The following SMC3 variants were observed in gnomAD, a reference collection of about 807,000 sequenced individuals.
SMC3 encodes structural maintenance of chromosomes protein 3.
A neutral mutation model predicts 171.8 loss-of-function variants in SMC3; 20 were observed. That is an observed-to-expected ratio of 0.12 (90% CI 0.08 to 0.17). SMC3 has a LOEUF of 0.17. SMC3 is among the 10% of genes least tolerant of loss of function. The probability of loss-of-function intolerance (pLI) is 1.00; values close to 1 mark genes in which losing one functional copy is unlikely to be tolerated. For missense variants in SMC3, 543 were observed against 1,420.4 expected (o/e 0.38, Z 9.93); for synonymous variants, 464 against 451.1 (o/e 1.03, Z -0.36).
At position 110,573,764 on chromosome 10, in the gene SMC3, A is replaced by G. The variant is rs1467733311; in HGVS notation, c.130+19A>G. 6.7e-7 allele frequency: 1 copy of G among 1,499,814 alleles called. No individual in the cohort carries two copies. The highest frequency in any genetic ancestry group is 1.1e-5 in the South Asian group (1 of 88,544). The allele number at this position is 1,499,814 out of a possible 1,614,324, so 92.9% of individuals were successfully genotyped here. On this transcript the variant is annotated intron_variant, in intron 3 of 28. Coordinates refer to ENST00000361804, the MANE Select transcript of SMC3 (RefSeq NM_005445.4). ...TTTTATGGTAGGTGTTGCTTTTTGA[A>G]TTGTAAATATATTAAGACCTGGGTA...
chr10:110,575,782 C>T (rs1358116261), intron 4 of SMC3, among the ~76,000 whole-genome samples: 2 of 152,124 alleles, frequency 1.3e-5, no homozygotes, highest in East Asian at 3.8e-4. Context: ...TAGGATTTGC[C>T]TATAGGTGGG....
At chr10:110,587,965 A>G (rs1362785476) in intron 13 of SMC3, among the ~76,000 whole-genome samples, 1 of 152,178 alleles carries the variant, frequency 6.6e-6, no homozygotes, top group Non-Finnish European at 1.5e-5. Flanking sequence ...AAAGGGTTTA[A>G]TTATCCAAGA....
At position 110,605,208 on chromosome 10, in the gene SMC3, C is replaced by T. The variant is rs557259851; in HGVS notation, c.*906C>T. On this transcript the variant is annotated 3_prime_UTR_variant, in exon 29 of 29. Coordinates refer to ENST00000361804, the MANE Select transcript of SMC3 (RefSeq NM_005445.4). ...ACCCAACATTGTACTTGCCAGGTTT[C>T]TTTGTTGTGAAGTTACATTTTTTTC... Among the ~76,000 whole-genome samples the T allele has an allele frequency of 2.0e-4, 30 of 152,226 alleles. No homozygotes were observed. The highest frequency in any genetic ancestry group is 3.1e-4 in the Non-Finnish European group (21 of 67,992).
intron 21 of SMC3, 79 bp downstream of exon 21, chr10:110,599,891 A>G: frequency 3.2e-6 from 4 of 1,254,084 alleles, no homozygotes; most frequent in South Asian, 2.4e-5. Context: ...TAACTAGGGC[A>G]ATATGAAAGA....
rs1202650673 is a variant in SMC3, at chr10:110,598,155, TG to T, written c.2134del (p.Asp712IlefsTer3). On this transcript the variant is annotated frameshift_variant, in exon 20 of 29. Transcript: ENST00000361804. LOFTEE classifies it high-confidence loss of function. ...RNIERINNEIDQLMNQMQQIE... is the reference protein window; with the variant it reads ...RNIERINNEIXQLMNQMQQIE... ...CTTGTATATGGATTAATAATGAAAT[TG>T]ATCAGTTGATGAACCAAATGCAACA... 6.2e-7 allele frequency: 1 copy of T among 1,613,800 alleles called. No homozygotes were observed. The highest frequency in any genetic ancestry group is 8.5e-7 in the Non-Finnish European group (1 of 1,179,868).
intron 18 of SMC3, among the ~76,000 whole-genome samples, chr10:110,595,127 C>G (rs756907924): frequency 6.6e-6 from 1 of 151,900 alleles, no homozygotes; most frequent in African/African-American, 2.4e-5. Context: ...GGATTACAGA[C>G]ATGCGCCACT....
At chr10:110,572,362 C>T (rs1267530742) in intron 2 of SMC3, among the ~76,000 whole-genome samples, 1 of 152,190 alleles carries the variant, frequency 6.6e-6, no homozygotes, top group Non-Finnish European at 1.5e-5. Context: ...TTCTTGATAG[C>T]ATTTTTCCCC....
intron 13 of SMC3, among the ~76,000 whole-genome samples, chr10:110,585,955 G>A (rs960516731): frequency 6.6e-6 from 1 of 151,820 alleles, no homozygotes; most frequent in Non-Finnish European, 1.5e-5. Flanking sequence ...ATGCCACCAC[G>A]CCTGGCTAAT....
chr10:110,577,204 G>C (rs576290537), intron 4 of SMC3, among the ~76,000 whole-genome samples: 3 of 152,184 alleles, frequency 2.0e-5, no homozygotes, highest in Admixed American at 2.0e-4. Flanking sequence ...TTTGGCAAGA[G>C]GGATATATAC....
At position 110,598,245 on chromosome 10, in the gene SMC3, G is replaced by A; in HGVS notation, c.2223G>A (p.Met741Ile). ...SRDSILSEMK[M>I]LKEKRQQSEK... ...ATAGCATATTATCAGAAATGAAGAT[G>A]CTAAAAGAGAAGAGGCAGCAGTCAG... Residue 741 changes from methionine to isoleucine, a missense_variant, in exon 20 of 29, where the codon ATG becomes ATA. By Grantham distance (10) the Met-to-Ile change is conservative (BLOSUM62 1). Transcript: ENST00000361804. 1 of 1,614,006 alleles carries A rather than the reference G, an allele frequency of 6.2e-7. No homozygotes were observed. Among genetic ancestry groups the A allele is most frequent in the Non-Finnish European group, 8.5e-7 (1 of 1,179,962 alleles).
chr10:110,576,353 TAA>T (rs754869561), intron 4 of SMC3, among the ~76,000 whole-genome samples: 15 of 152,200 alleles, frequency 9.9e-5, no homozygotes, highest in Non-Finnish European at 2.2e-4. Context: ...GATATTTTAT[TAA>T]GTGGGTCCTT....
At chr10:110,604,094 CAAAAAA>C (rs57491050) in intron 28 of SMC3, 131 bp from the exon 29 acceptor site, 25 of 230,226 alleles carry the variant, frequency 1.1e-4, no homozygotes, top group African/African-American at 1.6e-4. Context: ...GACTCCATCT[CAAAAAA>C]AAAAAAAAAA....
At position 110,602,194 on chromosome 10, in the gene SMC3, T is replaced by C. The variant is rs184670690; in HGVS notation, c.3105+16T>C. 1 of 1,598,352 alleles carries C rather than the reference T, an allele frequency of 6.3e-7. No homozygotes were observed. Among genetic ancestry groups the C allele is most frequent in the Admixed American group, 1.7e-5 (1 of 59,996 alleles). ...TTTCAAACAGGTATGTTTCGCTTTG[T>C]AGTTAAAACATACACACAGAGGACA... On this transcript the variant is annotated intron_variant, in intron 25 of 28. Coordinates refer to ENST00000361804, the MANE Select transcript of SMC3 (RefSeq NM_005445.4).
At chr10:110,581,713 C>G (rs546267579) in intron 8 of SMC3, among the ~76,000 whole-genome samples, 7 of 152,256 alleles carry the variant, frequency 4.6e-5, no homozygotes, top group Admixed American at 4.6e-4. Flanking sequence ...AAGGTCATTG[C>G]CAAGGTCTGA....
At chr10:110,597,270 A>AG (rs1294558664) in intron 19 of SMC3, among the ~76,000 whole-genome samples, 1 of 149,526 alleles carries the variant, frequency 6.7e-6, no homozygotes, top group Non-Finnish European at 1.5e-5. Flanking sequence ...GAGTAGCCAT[A>AG]GTTTTTTTTT....
At chr10:110,574,798 G>A (rs570342840) in intron 3 of SMC3, among the ~76,000 whole-genome samples, 3 of 152,268 alleles carry the variant, frequency 2.0e-5, no homozygotes, top group East Asian at 1.9e-4. Flanking sequence ...ACTCTATACC[G>A]AAGTAGGAAC....
chr10:110,570,792 G>T (rs186484202), intron 2 of SMC3, among the ~76,000 whole-genome samples: 94 of 152,270 alleles, frequency 6.2e-4, no homozygotes, highest in African/African-American at 2.2e-3. Flanking sequence ...AATAGTCACT[G>T]TTACAAAGGA....
intron 17 of SMC3, among the ~76,000 whole-genome samples, chr10:110,591,612 C>T (rs1260139342): frequency 1.3e-5 from 2 of 152,098 alleles, no homozygotes; most frequent in Non-Finnish European, 2.9e-5. Flanking sequence ...GGAAGCATAA[C>T]ATTGCTTTTG....
rs181587164 is a variant in SMC3, at chr10:110,585,155, T to A, written c.1305+759T>A. Among the ~76,000 whole-genome samples the A allele has an allele frequency of 3.3e-3, 496 of 151,750 alleles. 2 individuals are homozygous for A. The highest frequency in any genetic ancestry group is 0.011 in the African/African-American group (461 of 41,334). On this transcript the variant is annotated intron_variant, in intron 13 of 28. Coordinates refer to ENST00000361804, the MANE Select transcript of SMC3 (RefSeq NM_005445.4). Reference sequence around the variant, plus strand: ...ACCACCAAGCCCAGCTAATTTTGTATTTTTAGTAGAGATGGGGTTTCTCCA... The same window carrying A: ...ACCACCAAGCCCAGCTAATTTTGTAATTTTAGTAGAGATGGGGTTTCTCCA...
Sources: allele counts gnomAD v4.1 joint callset (sites outside exome capture counted in the v4.1 genomes callset), GRCh38; gene constraint gnomAD v4.1.1; transcripts MANE v1.5; gene names NCBI Gene and HGNC (gene_info 2026-07-23, HGNC 2026-07-21).